Variants in ZMYND11 observed in about 807,000 individuals in gnomAD.
The protein encoded by ZMYND11 is zinc finger MYND-type containing 11.
Under a neutral mutation model 84.9 loss-of-function variants are expected in ZMYND11, and 9 were observed. The ratio of observed to expected loss-of-function variants is 0.11; its 90% confidence interval spans 0.06 to 0.18. The LOEUF is 0.18. Among genes scored for constraint, ZMYND11 ranks in the 10% least tolerant of loss-of-function variants. ZMYND11 has a pLI of 1.00. For synonymous variants in ZMYND11, 250 were observed against 244.1 expected (o/e 1.02, Z -0.23); for missense variants, 409 against 761.0 (o/e 0.54, Z 5.44).
Position 196,649 on chromosome 10 carries a change from CAAAT to C in ZMYND11, c.117-13236_117-13233del, listed in dbSNP as rs1941822765. On this transcript the variant is annotated intron_variant, in intron 2 of 14. Transcript: ENST00000381604. ...TACTAATATACTAAGAAGCATTGTACAAATAAAGTTAGATTTAGTTTGGGGCTAG... is the reference window on the plus strand; with the variant it reads ...TACTAATATACTAAGAAGCATTGTACAAAGTTAGATTTAGTTTGGGGCTAG... 2.0e-5 allele frequency among the ~76,000 whole-genome samples: 3 copies of C among 152,024 alleles called. No homozygotes were observed. In the South Asian group the frequency reaches 6.2e-4, roughly 32 times the overall value.
rs1320126873 is a variant in ZMYND11, at chr10:135,753, CCGGCGGGGCCTGCGAGGGCGG to C, written c.-20+209_-20+229del. Among the ~76,000 whole-genome samples the C allele has an allele frequency of 5.1e-4, 75 of 147,036 alleles. No individual in the cohort carries two copies. Among genetic ancestry groups the C allele is most frequent in the Middle Eastern group, 3.5e-3 (1 of 284 alleles). The stretch of plus-strand genomic sequence containing the variant: ...TTTGTGGATGGCGGGGCGGGCCGGG[CCGGCGGGGCCTGCGAGGGCGG>C]CGGCGGGGCCTGCGGAGGCTGCCGG... On this transcript the variant is annotated intron_variant, in intron 1 of 14. Coordinates refer to ENST00000381604, the MANE Select transcript of ZMYND11 (RefSeq NM_001370100.5). This position sits in a 1 kb window ranked among gnomAD's most constrained non-coding sequence, Gnocchi z 5.6.
chr10:189,378 A>C (rs1171755187), intron 2 of ZMYND11, among the ~76,000 whole-genome samples: 1 of 152,184 alleles, frequency 6.6e-6, no homozygotes, highest in East Asian at 1.9e-4. Flanking sequence ...GAATTATTGG[A>C]GAGGAAGAGA....
At chr10:169,312 T>C (rs1554764957) in intron 1 of ZMYND11, among the ~76,000 whole-genome samples, 1 of 151,988 alleles carries the variant, frequency 6.6e-6, no homozygotes, top group Non-Finnish European at 1.5e-5. Flanking sequence ...CGGCCTCCCT[T>C]CCCCACACCT....
intron 1 of ZMYND11, among the ~76,000 whole-genome samples, chr10:146,382 G>A (rs1422979454): frequency 6.6e-6 from 1 of 152,076 alleles, no homozygotes; most frequent in Non-Finnish European, 1.5e-5. Flanking sequence ...AGAATTTTAG[G>A]ATTTTTCTCT....
At chr10:158,005 C>A (rs782326895) in intron 1 of ZMYND11, among the ~76,000 whole-genome samples, 3 of 152,146 alleles carry the variant, frequency 2.0e-5, no homozygotes, top group Non-Finnish European at 2.9e-5. Flanking sequence ...AGAATGTTTT[C>A]GAGGCTCATC....
At chr10:133,977 G>A (rs1554750724), upstream of ZMYND11, among the ~76,000 whole-genome samples, 1 of 152,114 alleles carries the variant, frequency 6.6e-6, no homozygotes, top group Non-Finnish European at 1.5e-5. Flanking sequence ...GAAACCAGCT[G>A]TAGAAGCAGA....
At chr10:148,720 G>C (rs1839523007) in intron 1 of ZMYND11, 1 of 152,276 alleles carries the variant, frequency 6.6e-6, no homozygotes, top group Non-Finnish European at 1.5e-5. Flanking sequence ...CCTGGGCTTG[G>C]TGCTGACTGT....
At chr10:138,110 G>GTTTTT (rs1198726870) in intron 1 of ZMYND11, among the ~76,000 whole-genome samples, 1 of 133,054 alleles carries the variant, frequency 7.5e-6, no homozygotes, top group Non-Finnish European at 1.6e-5. Context: ...TTCTGTTGGC[G>GTTTTT]TTTTTTTTTT....
At chr10:237,773 C>G (rs1950224349) in intron 6 of ZMYND11, 96 bp downstream of exon 6, 6 of 861,918 alleles carry the variant, frequency 7.0e-6, no homozygotes, top group Non-Finnish European at 1.1e-5. Flanking sequence ...GGTTGCTCTT[C>G]TTTCCTTGAA....
chr10:167,426 GAA>G (rs1844262716), intron 1 of ZMYND11, among the ~76,000 whole-genome samples: 1 of 152,028 alleles, frequency 6.6e-6, no homozygotes, highest in African/African-American at 2.4e-5. Context: ...TTGTCAAATT[GAA>G]AAGTCCTGAA....
chr10:212,408 G>T (rs1945405205), intron 3 of ZMYND11, among the ~76,000 whole-genome samples: 1 of 151,544 alleles, frequency 6.6e-6, no homozygotes, highest in Non-Finnish European at 1.5e-5. Context: ...TTCTAAAATG[G>T]CTGTATAATA....
In ZMYND11 at chr10:139,637, A is replaced by T. The variant is rs142340442; in HGVS notation, c.-20+4078A>T. ...ATAATATATCATGTATTGTCTGTCT[A>T]CTGTATATCAGCCACTGTGCAAAGT... On this transcript the variant is annotated intron_variant, in intron 1 of 14. Transcript: ENST00000381604. 2.5e-3 allele frequency among the ~76,000 whole-genome samples: 384 copies of T among 151,442 alleles called. 2 individuals are homozygous for T. The highest frequency in any genetic ancestry group is 8.4e-3 in the African/African-American group (345 of 41,248).
At chr10:173,633 C>T (rs138072837) in intron 1 of ZMYND11, among the ~76,000 whole-genome samples, 32 of 152,006 alleles carry the variant, frequency 2.1e-4, no homozygotes, top group African/African-American at 6.8e-4. Context: ...TAAGGAGGAT[C>T]GCTTGAGCCC....
intron 1 of ZMYND11, among the ~76,000 whole-genome samples, chr10:143,939 G>A (rs1838069785): frequency 6.6e-6 from 1 of 151,668 alleles, no homozygotes; most frequent in Non-Finnish European, 1.5e-5. Context: ...AGGAGGCAGA[G>A]GTTGCAGTGA....
At chr10:180,996 A>G (rs1015799900) in intron 2 of ZMYND11, among the ~76,000 whole-genome samples, 5 of 152,170 alleles carry the variant, frequency 3.3e-5, no homozygotes, top group Non-Finnish European at 7.4e-5. Flanking sequence ...AAAAAAATCA[A>G]AGTACCTTAT....
At chr10:157,130 A>C (rs1841891910) in intron 1 of ZMYND11, among the ~76,000 whole-genome samples, 1 of 152,208 alleles carries the variant, frequency 6.6e-6, no homozygotes, top group Admixed American at 6.5e-5. Context: ...AATATGGTAA[A>C]ATGTTAAATT....
intron 6 of ZMYND11, among the ~76,000 whole-genome samples, chr10:238,513 C>T (rs903087536): frequency 1.3e-5 from 2 of 152,016 alleles, no homozygotes; most frequent in Admixed American, 6.5e-5. Context: ...CCCGACACCA[C>T]GCCCACCTAA....
At chr10:245,544 A>G (rs537685368) in intron 10 of ZMYND11, among the ~76,000 whole-genome samples, 25 of 152,314 alleles carry the variant, frequency 1.6e-4, no homozygotes, top group Admixed American at 1.0e-3. Flanking sequence ...TGTTTATAGT[A>G]CCATATCGCA....
At chr10:198,680 G>A (rs933278122) in intron 2 of ZMYND11, among the ~76,000 whole-genome samples, 2 of 152,164 alleles carry the variant, frequency 1.3e-5, no homozygotes, top group East Asian at 3.9e-4. Flanking sequence ...TATTTAGACA[G>A]TGGGACAGAA....
Sources: gnomAD v4.1 joint callset for allele counts (sites outside exome capture counted in the v4.1 genomes callset) on GRCh38, gnomAD v4.1.1 for gene constraint, Gnocchi (gnomAD v3.1) non-coding constraint, MANE v1.5 for transcripts, NCBI Gene and HGNC (gene_info 2026-07-23, HGNC 2026-07-21) for gene names.